Variants in FARS2 observed in about 807,000 individuals in gnomAD.
FARS2 encodes phenylalanyl-tRNA synthetase 2, mitochondrial.
In FARS2, 40 loss-of-function variants were observed where a neutral mutation model predicts 46.4. The ratio of observed to expected loss-of-function variants is 0.86; its 90% CI spans 0.67 to 1.12. The LOEUF (loss-of-function observed/expected upper bound fraction) is 1.12, where lower values mean the gene tolerates loss of function less well. FARS2 is among the 50% of genes most tolerant of loss of function. The pLI is 0.00. For synonymous variants in FARS2, 234 were observed against 214.9 expected (o/e 1.09, Z -0.78); for missense variants, 513 against 567.9 (o/e 0.90, Z 0.98).
intron 6 of FARS2, among the ~76,000 whole-genome samples, chr6:5,661,791 G>A (rs975104436): frequency 1.4e-5 from 2 of 146,340 alleles, no homozygotes; most frequent in Non-Finnish European, 3.0e-5. Flanking sequence ...AAAGAAGAGA[G>A]ACAAGGCCAT....
intron 6 of FARS2, among the ~76,000 whole-genome samples, chr6:5,698,411 T>C (rs995410911): frequency 2.0e-5 from 3 of 152,132 alleles, no homozygotes; most frequent in East Asian, 1.9e-4. Flanking sequence ...GATCCACCCC[T>C]AGGATCCAAA....
Position 5,764,114 on chromosome 6 carries a change from C to T in FARS2, c.1218-7177C>T, listed in dbSNP as rs1262150921. ...CTCTGGGTGGCTGGCTCTGTATTAA[C>T]ACTCTACACGCCCCCTCATTCAGTC... On this transcript the variant is annotated intron_variant, in intron 6 of 6. Transcript: ENST00000274680. This position sits in a 1 kb window ranked among gnomAD's most constrained non-coding sequence, Gnocchi z 4.1. Among the ~76,000 whole-genome samples the T allele has an allele frequency of 1.3e-5, 2 of 152,128 alleles. No individual in the cohort carries two copies. The highest frequency in any genetic ancestry group is 3.9e-4 in the East Asian group (2 of 5,180).
chr6:5,272,006 T>C (rs1238441565), intron 1 of FARS2, among the ~76,000 whole-genome samples: 1 of 152,214 alleles, frequency 6.6e-6, no homozygotes, highest in African/African-American at 2.4e-5. Flanking sequence ...TCAACTATGT[T>C]CTGAAAATAT....
At chr6:5,298,757 G>A (rs1356583489) in intron 1 of FARS2, among the ~76,000 whole-genome samples, 2 of 147,248 alleles carry the variant, frequency 1.4e-5, no homozygotes, top group African/African-American at 2.5e-5. Context: ...CTTTAAATAA[G>A]ATTTTTACTG....
chr6:5,701,367 G>A (rs1278861406), intron 6 of FARS2, among the ~76,000 whole-genome samples: 1 of 152,254 alleles, frequency 6.6e-6, no homozygotes, highest in Admixed American at 6.5e-5. Flanking sequence ...CCTTGTCTGT[G>A]CACAGTCTGG....
intron 1 of FARS2, among the ~76,000 whole-genome samples, chr6:5,297,534 G>A (rs529069075): frequency 6.6e-5 from 10 of 152,192 alleles, no homozygotes; most frequent in South Asian, 2.1e-4. Flanking sequence ...TGTAATCCCA[G>A]CTACTCGGGA....
intron 6 of FARS2, among the ~76,000 whole-genome samples, chr6:5,640,295 C>T (rs745540509): frequency 1.3e-5 from 2 of 152,136 alleles, no homozygotes; most frequent in Non-Finnish European, 2.9e-5. Flanking sequence ...AGGCTCAGAG[C>T]GTCTGACTTA....
At chr6:5,449,397 T>C (rs1764360935) in intron 4 of FARS2, among the ~76,000 whole-genome samples, 1 of 150,722 alleles carries the variant, frequency 6.6e-6, no homozygotes, top group Admixed American at 6.6e-5. Flanking sequence ...CTCATAGACT[T>C]AAGATTTTTT....
intron 1 of FARS2, among the ~76,000 whole-genome samples, chr6:5,296,121 A>G (rs547116906): frequency 2.1e-5 from 2 of 94,136 alleles, no homozygotes; most frequent in South Asian, 3.3e-4. Flanking sequence ...AAAAATTATC[A>G]TTTTGGCCTT....
At chr6:5,253,671 T>C in the FARS2 span, among the ~76,000 whole-genome samples, 128 of 152,178 alleles carry the variant, frequency 8.4e-4, no homozygotes, top group Non-Finnish European at 1.1e-3. Context: ...TCGCCGGCCA[T>C]TGGAAGTTGT....
chr6:5,679,345 G>A (rs1222849426), intron 6 of FARS2, among the ~76,000 whole-genome samples: 1 of 152,086 alleles, frequency 6.6e-6, no homozygotes, highest in Non-Finnish European at 1.5e-5. Context: ...GTGTCCTGGG[G>A]TCACCAGCCT....
At chr6:5,559,328 G>A (rs1379009811) in intron 5 of FARS2, among the ~76,000 whole-genome samples, 1 of 152,082 alleles carries the variant, frequency 6.6e-6, no homozygotes, top group African/African-American at 2.4e-5. Context: ...TGCTTGAGCC[G>A]GGGAGGTCGA....
At chr6:5,431,648 C>A in intron 4 of FARS2, 1 of 532,974 alleles carries the variant, frequency 1.9e-6, no homozygotes, top group Non-Finnish European at 3.8e-6. Flanking sequence ...AATGCTTAAT[C>A]CATCACCTCC....
At chr6:5,305,998 G>A (rs1768675330) in intron 1 of FARS2, among the ~76,000 whole-genome samples, 1 of 152,142 alleles carries the variant, frequency 6.6e-6, no homozygotes, top group African/African-American at 2.4e-5. Flanking sequence ...TTTAAAGGGA[G>A]AACATATAAT....
chr6:5,531,990 C>T (rs1769870187), intron 4 of FARS2, among the ~76,000 whole-genome samples: 2 of 152,192 alleles, frequency 1.3e-5, no homozygotes, highest in African/African-American at 4.8e-5. Flanking sequence ...CTACTAGACC[C>T]ATCAGTTCAC....
At chr6:5,479,998 C>T (rs1766358720) in intron 4 of FARS2, among the ~76,000 whole-genome samples, 1 of 152,194 alleles carries the variant, frequency 6.6e-6, no homozygotes, top group African/African-American at 2.4e-5. Flanking sequence ...ACAGATCTTT[C>T]CAAAGAGTAG....
chr6:5,570,709 C>G (rs957416093), intron 5 of FARS2, among the ~76,000 whole-genome samples: 8 of 152,190 alleles, frequency 5.3e-5, no homozygotes, highest in Non-Finnish European at 7.3e-5. Flanking sequence ...GGGCACAGAA[C>G]CACAACATGA....
chr6:5,315,626 C>T (rs1437731397), intron 1 of FARS2, among the ~76,000 whole-genome samples: 1 of 152,026 alleles, frequency 6.6e-6, no homozygotes, highest in African/African-American at 2.4e-5. Flanking sequence ...TGAAAAACAG[C>T]AAGTTTTTCC....
At chr6:5,577,765 A>G (rs1016173045) in intron 5 of FARS2, among the ~76,000 whole-genome samples, 11 of 148,678 alleles carry the variant, frequency 7.4e-5, no homozygotes, top group African/African-American at 2.7e-4. Flanking sequence ...TTGGATTGCC[A>G]TTGTATCTTT....
Sources: gnomAD v4.1 joint callset for allele counts (sites outside exome capture counted in the v4.1 genomes callset) on GRCh38, gnomAD v4.1.1 for gene constraint, Gnocchi (gnomAD v3.1) non-coding constraint, MANE v1.5 for transcripts, NCBI Gene and HGNC (gene_info 2026-07-23, HGNC 2026-07-21) for gene names.